Variants in ZNF264 observed in about 807,000 individuals in gnomAD.
The protein encoded by ZNF264 is zinc finger protein 264.
A neutral mutation model predicts 11.2 loss-of-function variants in ZNF264; 11 were observed. The observed-to-expected ratio is 0.98, with a 90% confidence interval of 0.62 to 1.63. ZNF264 has a LOEUF of 1.63. Ranked by LOEUF, ZNF264 falls within the 40% of genes most tolerant of loss-of-function variation. The pLI is 0.00. For missense variants in ZNF264, 752 were observed against 768.1 expected (o/e 0.98, Z 0.25); for synonymous variants, 309 against 279.8 (o/e 1.10, Z -1.04).
intron 1 of ZNF264, 61 bp downstream of exon 1, chr19:57,192,007 G>C: frequency 7.0e-7 from 1 of 1,428,248 alleles, no homozygotes; most frequent in Admixed American, 2.5e-5. Context: ...GGTTTCCGAA[G>C]TGGGTGGGAG....
Position 57,194,010 on chromosome 19 carries a change from T to C in ZNF264, c.160+9T>C, listed in dbSNP as rs1380916786. 6.2e-7 allele frequency: 1 copy of C among 1,600,626 alleles called. No individual in the cohort carries two copies. The highest frequency in any genetic ancestry group is 1.1e-5 in the South Asian group (1 of 89,410). ...GCTCCTGGTGTCTCTGGGTAAGGCC[T>C]TCCTTCCCCCTCCACCATGCAGGTG... On this transcript the variant is annotated intron_variant, in intron 2 of 3. Coordinates refer to ENST00000263095, the MANE Select transcript of ZNF264 (RefSeq NM_003417.5).
chr19:57,194,717 G>A (rs950814231), intron 2 of ZNF264: 1 of 398,804 alleles, frequency 2.5e-6, no homozygotes, highest in Non-Finnish European at 4.4e-6. Context: ...AGATTAAGGG[G>A]GGGGTCTGCC....
At chr19:57,192,646 CCTGTCGTT>C (rs2087182943) in intron 1 of ZNF264, 1 of 858,410 alleles carries the variant, frequency 1.2e-6, no homozygotes, top group African/African-American at 1.8e-5. Context: ...TGGTCTGGAG[CCTGTCGTT>C]CCCCAAGTAG....
intron 2 of ZNF264, among the ~76,000 whole-genome samples, 179 bp from the exon 3 acceptor site, chr19:57,205,218 A>G (rs948790665): frequency 2.6e-5 from 4 of 152,204 alleles, no homozygotes; most frequent in Admixed American, 6.5e-5. Flanking sequence ...GAATTACATA[A>G]TGCATTTATG....
At chr19:57,201,907 A>C (rs1056479404) in intron 2 of ZNF264, among the ~76,000 whole-genome samples, 3 of 151,896 alleles carry the variant, frequency 2.0e-5, no homozygotes, top group African/African-American at 7.3e-5. Context: ...TGGGTGCACC[A>C]GTTGTATTAA....
Position 57,211,802 on chromosome 19 carries a change from ATG to A in ZNF264, c.708_709del (p.Cys236TrpfsTer6). The A allele has an allele frequency of 6.2e-7, 1 of 1,614,230 alleles. No individual in the cohort carries two copies. The highest frequency in any genetic ancestry group is 1.3e-5 in the African/African-American group (1 of 75,048). Reference protein sequence around the residue: ...SGVKPYECTECGKTFIKSTHL... With the variant: ...SGVKPYECTEXGKTFIKSTHL... ...GAGTTAAGCCCTATGAATGCACAGAATGTGGGAAAACCTTTATTAAGAGCACA... is the reference window on the plus strand; with the variant it reads ...GAGTTAAGCCCTATGAATGCACAGAATGGGAAAACCTTTATTAAGAGCACA... On this transcript the variant is annotated frameshift_variant, in exon 4 of 4. Transcript: ENST00000263095. LOFTEE classifies it low-confidence loss of function (END_TRUNC).
chr19:57,196,708 A>G (rs778482971), intron 2 of ZNF264, among the ~76,000 whole-genome samples: 2 of 151,912 alleles, frequency 1.3e-5, no homozygotes, highest in Non-Finnish European at 2.9e-5. Flanking sequence ...TTCTCTGCTG[A>G]GGTCTTCCAT....
In ZNF264 at chr19:57,206,965, G is replaced by A. The variant is rs529144885; in HGVS notation, c.256+1473G>A. On this transcript the variant is annotated intron_variant, in intron 3 of 3. Transcript: ENST00000263095. The stretch of plus-strand genomic sequence containing the variant: ...CTGCAGAGCCTTGGCCTCTGCCCGC[G>A]TGGGTTCCTTGAGCTGCTCATCCAA... Among the ~76,000 whole-genome samples the A allele has an allele frequency of 3.6e-4, 51 of 142,898 alleles. No homozygotes were observed. The South Asian group carries it at 4.5e-3, about 13-fold the overall frequency. 93.7% of individuals were successfully genotyped at this position (142,898 alleles called of 152,430 possible).
At chr19:57,209,481 C>CA (rs751175081) in intron 3 of ZNF264, among the ~76,000 whole-genome samples, 28 of 152,226 alleles carry the variant, frequency 1.8e-4, no homozygotes, top group Non-Finnish European at 3.4e-4. Flanking sequence ...GTCGAATTGT[C>CA]AGTTCGTATT....
chr19:57,222,609 A>ATATATGGC lies in ZNF264; in HGVS notation c.*9633_*9640dup, dbSNP rs2087426682. The ATATATGGC allele has an allele frequency of 6.6e-6, 1 of 152,092 alleles. No homozygotes were observed. 9.4% of individuals were successfully genotyped at this position (152,092 alleles called of 1,614,324 possible). On this transcript the variant is annotated 3_prime_UTR_variant, in exon 4 of 4. Coordinates refer to ENST00000263095, the MANE Select transcript of ZNF264 (RefSeq NM_003417.5). ...CACATATACACGTGTATGAATATAT[A>ATATATGGC]TATATGGCTATAAGTGGTGCGACTT...
In ZNF264 at chr19:57,212,927, C is replaced by T. The variant is rs1274912111; in HGVS notation, c.1830C>T (p.Ser610=). The T allele has an allele frequency of 1.2e-6, 2 of 1,613,980 alleles. No homozygotes were observed. Among genetic ancestry groups the T allele is most frequent in the African/African-American group, 2.7e-5 (2 of 74,932 alleles). Residue 610 remains serine, a synonymous_variant, in exon 4 of 4, where the codon TCC becomes TCT. Transcript: ENST00000263095. ...EANILPEETS[S]SASDQPYQRE... is the part of the protein sequence containing the mutation. ...ATATTTTGCCAGAGGAAACATCTTC[C>T]TCTGCATCTGATCAACCATACCAAA...
At chr19:57,195,880 G>A (rs931920951) in intron 2 of ZNF264, among the ~76,000 whole-genome samples, 37 of 151,768 alleles carry the variant, frequency 2.4e-4, no homozygotes, top group Admixed American at 2.0e-3. Context: ...CTAGGCCAAC[G>A]GAATGTAATG....
At position 57,201,626 on chromosome 19, in the gene ZNF264, G is replaced by A. The variant is rs570211153; in HGVS notation, c.161-3771G>A. ...TTATGTTGGAAAAGTAGACTAAGGA[G>A]ATCAGTCTGTCCCAGAACGGTGCCA... is the stretch of plus-strand genomic sequence containing the variant. On this transcript the variant is annotated intron_variant, in intron 2 of 3. Coordinates refer to ENST00000263095, the MANE Select transcript of ZNF264 (RefSeq NM_003417.5). Among the ~76,000 whole-genome samples the A allele has an allele frequency of 2.0e-4, 30 of 152,042 alleles. No individual in the cohort carries two copies. In the East Asian group the frequency reaches 5.4e-3, roughly 27 times the overall value.
Position 57,193,938 on chromosome 19 carries a change from C to T in ZNF264, c.97C>T (p.Leu33=), listed in dbSNP as rs774000555. ...CAAGGAGGAGTGGGGGCAGCTGGAC[C>T]TAGCTCAGCGGACCCTGTACCAGGA... is the stretch of plus-strand genomic sequence containing the variant. ...FTKEEWGQLD[L]AQRTLYQEVM... The change falls in exon 2 of 4, where the codon CTA becomes TTA. Residue 33 remains leucine (L), a synonymous_variant. Coordinates refer to ENST00000263095, the MANE Select transcript of ZNF264 (RefSeq NM_003417.5). 4 of 1,613,944 alleles carry T rather than the reference C, an allele frequency of 2.5e-6. No individual in the cohort carries two copies. The East Asian group carries it at 6.7e-5, about 27-fold the overall frequency.
chr19:57,220,558 C>T lies in ZNF264; in HGVS notation c.*7577C>T, dbSNP rs1002676578. ...CAGGCACTGCCCCATTCTGTTCATT[C>T]CACCTTTTTTTTTAGTAGACCCTCC... On this transcript the variant is annotated 3_prime_UTR_variant, in exon 4 of 4. Coordinates refer to ENST00000263095, the MANE Select transcript of ZNF264 (RefSeq NM_003417.5). The T allele has an allele frequency of 6.6e-6, 1 of 152,212 alleles. No homozygotes were observed. The highest frequency in any genetic ancestry group is 1.5e-5 in the Non-Finnish European group (1 of 68,022). 9.4% of individuals were successfully genotyped at this position (152,212 alleles called of 1,614,324 possible).
chr19:57,212,374 C>T lies in ZNF264; in HGVS notation c.1277C>T (p.Pro426Leu). The change falls in exon 4 of 4, where the codon CCC becomes CTC. Residue 426 changes from proline (P) to leucine (L), a missense_variant. Pro to Leu is a moderately conservative substitution (Grantham distance 98). Coordinates refer to ENST00000263095, the MANE Select transcript of ZNF264 (RefSeq NM_003417.5). ...CAGCGGATTCACACTGGGGAGAAGC[C>T]CTTCGTGTGCAGTGAATGTGGAAAG... ...RHQRIHTGEK[P>L]FVCSECGKAF... The T allele has an allele frequency of 3.1e-6, 5 of 1,614,044 alleles. No homozygotes were observed. The South Asian group carries it at 4.4e-5, about 14-fold the overall frequency.
At chr19:57,195,440 C>T (rs2087205122) in intron 2 of ZNF264, among the ~76,000 whole-genome samples, 1 of 152,210 alleles carries the variant, frequency 6.6e-6, no homozygotes, top group African/African-American at 2.4e-5. Flanking sequence ...TAATGACTAC[C>T]TTCTTCTCCT....
chr19:57,219,909 G>A lies in ZNF264; in HGVS notation c.*6928G>A, dbSNP rs2087405259. ...TATGTGGCCATGGCCCTGGCCGTGG[G>A]GATGCACCCATAATTATAATGAGAG... On this transcript the variant is annotated 3_prime_UTR_variant, in exon 4 of 4. Transcript: ENST00000263095. 6.6e-6 allele frequency: 1 copy of A among 152,260 alleles called. No homozygotes were observed. Among genetic ancestry groups the A allele is most frequent in the South Asian group, 2.1e-4 (1 of 4,832 alleles). The allele number at this position is 152,260 out of a possible 1,614,324, so 9.4% of individuals were successfully genotyped here.
In ZNF264 at chr19:57,191,715, G is replaced by T. The variant is rs1455250420; in HGVS notation, c.-199G>T. The T allele has an allele frequency of 2.4e-6, 1 of 411,024 alleles. No individual in the cohort carries two copies. Among genetic ancestry groups the T allele is most frequent in the Non-Finnish European group, 4.3e-6 (1 of 235,250 alleles). The allele number at this position is 411,024 out of a possible 1,614,324, so 25.5% of individuals were successfully genotyped here. ...GCCCTTCAGCCCCGCGGTCTCCAGG[G>T]GCGGCGCCCTGGGTCTGGAACGCGG... is the stretch of plus-strand genomic sequence containing the variant. On this transcript the variant is annotated 5_prime_UTR_variant, in exon 1 of 4. Coordinates refer to ENST00000263095, the MANE Select transcript of ZNF264 (RefSeq NM_003417.5).
Sources: allele counts gnomAD v4.1 joint callset (sites outside exome capture counted in the v4.1 genomes callset), GRCh38; gene constraint gnomAD v4.1.1; transcripts MANE v1.5; gene names NCBI Gene and HGNC (gene_info 2026-07-23, HGNC 2026-07-21).